Variants in TGFB1I1 observed in about 807,000 individuals in gnomAD.
TGFB1I1 encodes the protein transforming growth factor beta-1-induced transcript 1 protein.
A neutral mutation model predicts 52.0 loss-of-function variants in TGFB1I1; 33 were observed. That is an observed-to-expected ratio of 0.63 (90% CI 0.48 to 0.85). The LOEUF (loss-of-function observed/expected upper bound fraction) is 0.85, where lower values mean the gene tolerates loss of function less well. TGFB1I1 is among the 40% of genes least tolerant of loss of function. TGFB1I1 has a pLI of 0.00. For missense variants in TGFB1I1, 577 were observed against 614.9 expected, an observed-to-expected ratio of 0.94 and a Z score of 0.65; for synonymous variants, 236 against 253.3, an observed-to-expected ratio of 0.93 and a Z score of 0.65.
chr16:31,476,452 C>T lies in TGFB1I1; in HGVS notation c.889-29C>T. ...GAGGAAGGCGCGAAGGCACGGAGGC[C>T]GCGCTGAGTGCCCTCTCCCTCCCTG... On this transcript the variant is annotated intron_variant, in intron 8 of 10. Coordinates refer to ENST00000394863, the MANE Select transcript of TGFB1I1 (RefSeq NM_001042454.3). The surrounding 1 kb of genome is among the most constrained non-coding windows in gnomAD (Gnocchi z 7.6). 1.2e-6 allele frequency: 2 copies of T among 1,600,008 alleles called. No homozygotes were observed. The highest frequency in any genetic ancestry group is 8.5e-7 in the Non-Finnish European group (1 of 1,173,204).
At position 31,476,249 on chromosome 16, in the gene TGFB1I1, C is replaced by G; in HGVS notation, c.888+64C>G. 6.4e-7 allele frequency: 1 copy of G among 1,571,786 alleles called. No homozygotes were observed. Among genetic ancestry groups the G allele is most frequent in the Non-Finnish European group, 8.6e-7 (1 of 1,159,710 alleles). On this transcript the variant is annotated intron_variant, in intron 8 of 10. Transcript: ENST00000394863. The surrounding 1 kb of genome is among the most constrained non-coding windows in gnomAD (Gnocchi z 7.6). The stretch of plus-strand genomic sequence containing the variant: ...ACCAGGAGAGCTGTGGGACGGGCCT[C>G]CACCGCATGGGTCCCGCCCCACCCG...
Position 31,474,089 on chromosome 16 carries a change from C to T in TGFB1I1, c.326-63C>T. On this transcript the variant is annotated intron_variant, in intron 4 of 10. Transcript: ENST00000394863. The surrounding 1 kb of genome is among the most constrained non-coding windows in gnomAD (Gnocchi z 4.2). ...GAGTAGCAGTTAAAGGGACCTAAAG[C>T]CTCAAGTGTGAGGGTGCGTTGAGCA... The T allele has an allele frequency of 2.5e-6, 4 of 1,610,846 alleles. No individual in the cohort carries two copies. The highest frequency in any genetic ancestry group is 3.4e-6 in the Non-Finnish European group (4 of 1,177,494).
Position 31,472,200 on chromosome 16 carries a change from G to C in TGFB1I1, c.12G>C (p.Leu4=), listed in dbSNP as rs1178867783. ...GCCCGCGCCCCGCCATGGAGGACCT[G>C]GGTGAGTGGGGCCGGATCCCCGGGT... The part of the protein sequence containing the change: MED[L]DALLSDLETT... The change falls in exon 1 of 11, where the codon CTG becomes CTC. Residue 4 remains leucine, a splice_region_variant and synonymous_variant. Transcript: ENST00000394863. The C allele has an allele frequency of 6.7e-7, 1 of 1,496,130 alleles. No individual in the cohort carries two copies. Among genetic ancestry groups the C allele is most frequent in the East Asian group, 2.7e-5 (1 of 37,220 alleles). 92.7% of individuals were successfully genotyped at this position (1,496,130 alleles called of 1,614,324 possible).
Position 31,476,707 on chromosome 16 carries a change from C to A in TGFB1I1, c.970+145C>A. The A allele has an allele frequency of 6.9e-7, 1 of 1,449,326 alleles. No homozygotes were observed. The highest frequency in any genetic ancestry group is 9.3e-7 in the Non-Finnish European group (1 of 1,070,844). The allele number at this position is 1,449,326 out of a possible 1,614,324, so 89.8% of individuals were successfully genotyped here. A position where few individuals can be genotyped will look rare whatever the true frequency, so the allele number is the denominator to read the frequency against. On this transcript the variant is annotated intron_variant, in intron 9 of 10. Coordinates refer to ENST00000394863, the MANE Select transcript of TGFB1I1 (RefSeq NM_001042454.3). This position sits in a 1 kb window ranked among gnomAD's most constrained non-coding sequence, Gnocchi z 7.6. ...GCCCTCTCCTACACAGACTCCGGAC[C>A]CGAGCCCTCCCCGCTCTGTCCCGCC...
At position 31,476,171 on chromosome 16, in the gene TGFB1I1, C is replaced by A. The variant is rs2082422141; in HGVS notation, c.874C>A (p.Gln292Lys). ...RFSPRCGFCN[Q>K]PIRHKMVTAL... is the part of the protein sequence containing the mutation. ...CTCGCCAAGATGTGGCTTCTGCAACCAGCCCATCCGACACGTGAGCCCCGC... is the reference window on the plus strand; with the variant it reads ...CTCGCCAAGATGTGGCTTCTGCAACAAGCCCATCCGACACGTGAGCCCCGC... The change falls in exon 8 of 11, where the codon CAG (glutamine) becomes AAG (lysine). Residue 292 changes from glutamine (Q) to lysine (K), a missense_variant. Gln to Lys is a moderately conservative substitution (Grantham distance 53, BLOSUM62 1). Coordinates refer to ENST00000394863, the MANE Select transcript of TGFB1I1 (RefSeq NM_001042454.3). The surrounding 1 kb of genome is among the most constrained non-coding windows in gnomAD (Gnocchi z 7.6). The A allele has an allele frequency of 6.2e-7, 1 of 1,612,732 alleles. No individual in the cohort carries two copies. The highest frequency in any genetic ancestry group is 8.5e-7 in the Non-Finnish European group (1 of 1,179,940).
Position 31,476,643 on chromosome 16 carries a change from C to G in TGFB1I1, c.970+81C>G, listed in dbSNP as rs1473767840. On this transcript the variant is annotated intron_variant, in intron 9 of 10. Transcript: ENST00000394863. This position sits in a 1 kb window ranked among gnomAD's most constrained non-coding sequence, Gnocchi z 7.6. Reference sequence around the variant, plus strand: ...CCCAGCCCCTCCGACCTCCGGAGTCCTCAGGGCCATGGTTTTCCTTCTGCT... The same window carrying G: ...CCCAGCCCCTCCGACCTCCGGAGTCGTCAGGGCCATGGTTTTCCTTCTGCT... 4 of 1,500,574 alleles carry G rather than the reference C, an allele frequency of 2.7e-6. No homozygotes were observed. The Admixed American group carries it at 7.8e-5, about 29-fold the overall frequency. The allele number at this position is 1,500,574 out of a possible 1,614,324, so 93.0% of individuals were successfully genotyped here. A position where few individuals can be genotyped will look rare whatever the true frequency, so the allele number is the denominator to read the frequency against.
Position 31,474,565 on chromosome 16 carries a change from T to C in TGFB1I1, c.522T>C (p.Leu174=). The part of the protein sequence containing the change: ...SLSDFRVQNH[L]PASGPTQPPV... ...TTCTCATGTCCTCCCCGCTGCAGCT[T>C]CCAGCCTCTGGGCCAACTCAGCCAC... is the stretch of plus-strand genomic sequence containing the variant. Residue 174 remains leucine (L), a splice_region_variant and synonymous_variant, in exon 7 of 11, where the codon CTT becomes CTC. Transcript: ENST00000394863. The surrounding 1 kb of genome is among the most constrained non-coding windows in gnomAD (Gnocchi z 4.2). 6.2e-7 allele frequency: 1 copy of C among 1,608,480 alleles called. No homozygotes were observed.
chr16:31,473,714 G>T lies in TGFB1I1; in HGVS notation c.162G>T (p.Gly54=), dbSNP rs201741328. The T allele has an allele frequency of 2.6e-6, 4 of 1,553,266 alleles. No homozygotes were observed. The Admixed American group carries it at 5.8e-5, about 23-fold the overall frequency. ...CTGGGGAGTCTTCAGGAGCCTCGGG[G>T]GACAAGGACCACCTGTACAGGTGAG... ...TGSGESSGAS[G]DKDHLYSTVC... Residue 54 remains glycine, a synonymous_variant, in exon 3 of 11, where the codon GGG becomes GGT. Coordinates refer to ENST00000394863, the MANE Select transcript of TGFB1I1 (RefSeq NM_001042454.3).
rs1567382720 is a variant in TGFB1I1, at chr16:31,474,428, ACT to A, written c.497_498del (p.Ser166Ter). 3.1e-6 allele frequency: 5 copies of A among 1,614,006 alleles called. No homozygotes were observed. The highest frequency in any genetic ancestry group is 3.4e-6 in the Non-Finnish European group (4 of 1,179,996). On this transcript the variant is annotated frameshift_variant, in exon 6 of 11. Transcript: ENST00000394863. LOFTEE classifies it high-confidence loss of function. This position sits in a 1 kb window ranked among gnomAD's most constrained non-coding sequence, Gnocchi z 4.2. ...TLELDRLMASLSDFRVQNHLP... is the reference protein window; with the variant it reads ...TLELDRLMASXSDFRVQNHLP... ...TGGAGCTGGATAGACTGATGGCCTC[ACT>A]CTCTGACTTCCGCGTTCAAAACCAT...
rs1290483699 is a variant in TGFB1I1, at chr16:31,477,213, G to C, written c.1120-97G>C. On this transcript the variant is annotated intron_variant, in intron 10 of 10. Coordinates refer to ENST00000394863, the MANE Select transcript of TGFB1I1 (RefSeq NM_001042454.3). This position sits in a 1 kb window ranked among gnomAD's most constrained non-coding sequence, Gnocchi z 4.7. ...GGACGGGATTCTTCGCGTCTAGGGC[G>C]GGCTGCGGGGTCCCAGGGCGTTATC... 3.3e-6 allele frequency: 5 copies of C among 1,499,166 alleles called. No homozygotes were observed. The highest frequency in any genetic ancestry group is 4.5e-6 in the Non-Finnish European group (5 of 1,116,760). 92.9% of individuals were successfully genotyped at this position (1,499,166 alleles called of 1,614,324 possible).
chr16:31,474,406 A>G lies in TGFB1I1; in HGVS notation c.470A>G (p.Glu157Gly). 1 of 1,614,128 alleles carries G rather than the reference A, an allele frequency of 6.2e-7. No homozygotes were observed. Among genetic ancestry groups the G allele is most frequent in the Non-Finnish European group, 8.5e-7 (1 of 1,180,018 alleles). The change falls in exon 6 of 11, where the codon GAG becomes GGG. Residue 157 changes from glutamate (E) to glycine (G), a missense_variant. Around this residue, in one of 3 missense-constraint regions of TGFB1I1, gnomAD observed 456 missense variants for 461.6 expected, o/e 0.99. Coordinates refer to ENST00000394863, the MANE Select transcript of TGFB1I1 (RefSeq NM_001042454.3). The surrounding 1 kb of genome is among the most constrained non-coding windows in gnomAD (Gnocchi z 4.2). ...PKASATSATL[E>G]LDRLMASLSD... ...GCTTCTGCCACCTCAGCCACTCTGG[A>G]GCTGGATAGACTGATGGCCTCACTC... is the stretch of plus-strand genomic sequence containing the variant.
rs753388681 is a variant in TGFB1I1 at position 31,473,901 on chromosome 16, C to A, written c.249C>A (p.Ser83Arg). 5 of 1,613,960 alleles carry A rather than the reference C, an allele frequency of 3.1e-6. No homozygotes were observed. Among genetic ancestry groups the A allele is most frequent in the Non-Finnish European group, 1.7e-6 (2 of 1,180,036 alleles). Residue 83 changes from serine (S) to arginine (R), a missense_variant, in exon 4 of 11, where the codon AGC becomes AGA. Physicochemically the swap from Ser to Arg is moderately radical, Grantham distance 110 (BLOSUM62 -1). Around this residue, in one of 3 missense-constraint regions of TGFB1I1, gnomAD observed 113 missense variants for 123.9 expected, o/e 0.91. Transcript: ENST00000394863. ...APAAPPFSSS[S>R]GVLGTGLCEL... ...CGGCCCCTCCATTCTCCTCTTCCAGCGGTGTCTTGGGTACCGGGCTCTGTG... is the reference window on the plus strand; with the variant it reads ...CGGCCCCTCCATTCTCCTCTTCCAGAGGTGTCTTGGGTACCGGGCTCTGTG...
At position 31,476,873 on chromosome 16, in the gene TGFB1I1, C is replaced by G. The variant is rs772880390; in HGVS notation, c.982C>G (p.Arg328Gly). Residue 328 changes from arginine to glycine, a missense_variant, in exon 10 of 11, where the codon CGC becomes GGC. By Grantham distance (125) the Arg-to-Gly change is moderately radical. This residue lies in a region of TGFB1I1 where 456 missense variants were observed against 461.6 expected (regional missense o/e 0.99). Transcript: ENST00000394863. The surrounding 1 kb of genome is among the most constrained non-coding windows in gnomAD (Gnocchi z 7.6). The stretch of plus-strand genomic sequence containing the variant: ...GTTCCCTCTCCTAGGTTTCCACGAG[C>G]GCGAGGGCCGCCCCTACTGCCGCCG... ...EPFGDEGFHE[R>G]EGRPYCRRDF... is the part of the protein sequence containing the mutation. The G allele has an allele frequency of 1.9e-6, 3 of 1,611,450 alleles. No homozygotes were observed. In the East Asian group the frequency reaches 6.7e-5, roughly 36 times the overall value.
chr16:31,473,434 C>A lies in TGFB1I1; in HGVS notation c.14-7C>A, dbSNP rs747591966. On this transcript the variant is annotated splice_polypyrimidine_tract_variant and splice_region_variant and intron_variant, in intron 1 of 10. Coordinates refer to ENST00000394863, the MANE Select transcript of TGFB1I1 (RefSeq NM_001042454.3). ...TTGTCTCTCTCCCTGATGGCCTCTT[C>A]CTGCAGATGCCCTGCTCTCTGACCT... 1 of 1,611,950 alleles carries A rather than the reference C, an allele frequency of 6.2e-7. No homozygotes were observed.
In TGFB1I1 at chr16:31,476,696, A is replaced by AG; in HGVS notation, c.970+135dup. The AG allele has an allele frequency of 7.0e-7, 1 of 1,436,632 alleles. No individual in the cohort carries two copies. Among genetic ancestry groups the AG allele is most frequent in the Non-Finnish European group, 9.4e-7 (1 of 1,058,276 alleles). 89.0% of individuals were successfully genotyped at this position (1,436,632 alleles called of 1,614,324 possible). ...CTTCTGGCCCTGCCCTCTCCTACAC[A>AG]GACTCCGGACCCGAGCCCTCCCCGC... On this transcript the variant is annotated intron_variant, in intron 9 of 10. Coordinates refer to ENST00000394863, the MANE Select transcript of TGFB1I1 (RefSeq NM_001042454.3). The surrounding 1 kb of genome is among the most constrained non-coding windows in gnomAD (Gnocchi z 7.6).
chr16:31,477,891 C>T lies in TGFB1I1; in HGVS notation c.*315C>T, dbSNP rs2082437979. On this transcript the variant is annotated 3_prime_UTR_variant, in exon 11 of 11. Coordinates refer to ENST00000394863, the MANE Select transcript of TGFB1I1 (RefSeq NM_001042454.3). This position sits in a 1 kb window ranked among gnomAD's most constrained non-coding sequence, Gnocchi z 4.7. ...CGAATCGGAGGCCAGGCCAGGACGT[C>T]CTTGCTCCCTGCACCCTCACTGTTC... 2.2e-6 allele frequency: 1 copy of T among 445,816 alleles called. No individual in the cohort carries two copies. The highest frequency in any genetic ancestry group is 4.0e-5 in the Admixed American group (1 of 24,964). The allele number at this position is 445,816 out of a possible 1,614,324, so 27.6% of individuals were successfully genotyped here. A position where few individuals can be genotyped will look rare whatever the true frequency, so the allele number is the denominator to read the frequency against.
Position 31,477,620 on chromosome 16 carries a change from C to G in TGFB1I1, c.*44C>G. ...CTCTCCCCCGGAGGCCGCGCCCTCC[C>G]GGAAAAGCCGGGTCCTCCAGACCCC... On this transcript the variant is annotated 3_prime_UTR_variant, in exon 11 of 11. Coordinates refer to ENST00000394863, the MANE Select transcript of TGFB1I1 (RefSeq NM_001042454.3). The surrounding 1 kb of genome is among the most constrained non-coding windows in gnomAD (Gnocchi z 4.7). 3 of 1,540,304 alleles carry G rather than the reference C, an allele frequency of 1.9e-6. No individual in the cohort carries two copies. The highest frequency in any genetic ancestry group is 1.2e-5 in the South Asian group (1 of 82,800).
At position 31,477,576 on chromosome 16, in the gene TGFB1I1, A is replaced by C. The variant is rs750218964; in HGVS notation, c.1386A>C (p.Ter462CysextTer41). The C allele has an allele frequency of 1.3e-6, 2 of 1,599,070 alleles. No individual in the cohort carries two copies. The highest frequency in any genetic ancestry group is 3.4e-5 in the Admixed American group (2 of 58,856). Residue 462 changes from the stop codon to cysteine (C), a stop_lost, in exon 11 of 11, where the codon TGA (stop) becomes TGC (cysteine). Coordinates refer to ENST00000394863, the MANE Select transcript of TGFB1I1 (RefSeq NM_001042454.3). The surrounding 1 kb of genome is among the most constrained non-coding windows in gnomAD (Gnocchi z 4.7). ...CQPCFLKLFG[*>C] ...CCTGCTTCCTGAAGCTCTTCGGCTG[A>C]CAGCCCGCTCGGCTCGCCCTCTCCC...
Position 31,476,383 on chromosome 16 carries a change from C to A in TGFB1I1, c.889-98C>A. On this transcript the variant is annotated intron_variant, in intron 8 of 10. Coordinates refer to ENST00000394863, the MANE Select transcript of TGFB1I1 (RefSeq NM_001042454.3). This position sits in a 1 kb window ranked among gnomAD's most constrained non-coding sequence, Gnocchi z 7.6. ...TTCCTAGTTAGATCTTCTCCCCCTCCCCCCACGCATGCCTTAGTCCAGTCA... is the reference window on the plus strand; with the variant it reads ...TTCCTAGTTAGATCTTCTCCCCCTCACCCCACGCATGCCTTAGTCCAGTCA... The A allele has an allele frequency of 7.6e-7, 1 of 1,309,758 alleles. No homozygotes were observed. Among genetic ancestry groups the A allele is most frequent in the Non-Finnish European group, 1.1e-6 (1 of 941,024 alleles). 81.1% of individuals were successfully genotyped at this position (1,309,758 alleles called of 1,614,324 possible). A position where few individuals can be genotyped will look rare whatever the true frequency, so the allele number is the denominator to read the frequency against.
Sources: allele counts gnomAD v4.1 joint callset, GRCh38; gene constraint gnomAD v4.1.1; regional missense constraint gnomAD v4.1.1; non-coding constraint Gnocchi (gnomAD v3.1); transcripts MANE v1.5; gene names NCBI Gene and HGNC (gene_info 2026-07-23, HGNC 2026-07-21).